Variants in GPR158 observed in about 807,000 individuals in gnomAD.
GPR158 encodes the protein metabotropic glycine receptor.
GPR158 carries 30 observed loss-of-function variants against 78.2 expected under a neutral mutation model. The ratio of observed to expected loss-of-function variants is 0.38; its 90% confidence interval spans 0.29 to 0.52. The LOEUF (loss-of-function observed/expected upper bound fraction) is 0.52. Ranked by LOEUF, GPR158 falls within the 20% of genes least tolerant of loss-of-function variation. The pLI is 0.83. For synonymous variants in GPR158, 581 were observed against 591.1 expected, an observed-to-expected ratio of 0.98 and a Z score of 0.25; for missense variants, 1,463 against 1,523.5, an observed-to-expected ratio of 0.96 and a Z score of 0.66.
intron 2 of GPR158, among the ~76,000 whole-genome samples, chr10:25,320,643 G>A (rs892642613): frequency 6.6e-6 from 1 of 152,188 alleles, no homozygotes; most frequent in Admixed American, 6.5e-5. Flanking sequence ...TAAAATGTGA[G>A]TCACAAAATT....
chr10:25,564,150 G>A (rs563501256), intron 6 of GPR158, among the ~76,000 whole-genome samples: 1 of 152,100 alleles, frequency 6.6e-6, no homozygotes, highest in South Asian at 2.1e-4. Context: ...ATAAAGCTTG[G>A]ACCAAAAAAT....
chr10:25,316,271 G>C (rs1000364346), intron 2 of GPR158, among the ~76,000 whole-genome samples: 1 of 152,142 alleles, frequency 6.6e-6, no homozygotes, highest in African/African-American at 2.4e-5. Context: ...GTAGATTAAA[G>C]CAGAGATTCT....
intron 2 of GPR158, among the ~76,000 whole-genome samples, chr10:25,273,005 A>G (rs1345386207): frequency 6.6e-6 from 1 of 152,230 alleles, no homozygotes; most frequent in Non-Finnish European, 1.5e-5. Flanking sequence ...CAAAGGCTGT[A>G]TCTTACCAAA....
rs1436453314 is a variant in GPR158, at chr10:25,461,769, G to A, written c.1336-4882G>A. Among the ~76,000 whole-genome samples the A allele has an allele frequency of 2.2e-5, 3 of 137,956 alleles. No individual in the cohort carries two copies. The East Asian group carries it at 6.3e-4, about 29-fold the overall frequency. 90.5% of individuals were successfully genotyped at this position (137,956 alleles called of 152,430 possible). ...TTTTTTTGAGATGGAGTCTTGCTCT[G>A]TTGCCCAGGCTGGAGTGCAGTGGTG... is the stretch of plus-strand genomic sequence containing the variant. On this transcript the variant is annotated intron_variant, in intron 4 of 10. Coordinates refer to ENST00000376351, the MANE Select transcript of GPR158 (RefSeq NM_020752.3).
At chr10:25,565,003 A>T (rs964359919) in intron 6 of GPR158, among the ~76,000 whole-genome samples, 2 of 152,170 alleles carry the variant, frequency 1.3e-5, no homozygotes, top group African/African-American at 2.4e-5. Context: ...TTCAGCACTG[A>T]ACCTCTGATT....
intron 7 of GPR158, among the ~76,000 whole-genome samples, chr10:25,578,877 C>T (rs1003979926): frequency 2.0e-5 from 3 of 151,918 alleles, no homozygotes; most frequent in Non-Finnish European, 4.4e-5. Context: ...GGCATGGTGG[C>T]GGGCGCCTGT....
intron 5 of GPR158, among the ~76,000 whole-genome samples, chr10:25,477,516 G>T (rs1476910259): frequency 1.3e-5 from 2 of 151,992 alleles, no homozygotes; most frequent in Non-Finnish European, 2.9e-5. Context: ...GTTCTTTTTA[G>T]GGCAGAATGG....
chr10:25,239,269 C>A (rs528161846), intron 2 of GPR158, among the ~76,000 whole-genome samples: 1 of 152,156 alleles, frequency 6.6e-6, no homozygotes, highest in Admixed American at 6.5e-5. Context: ...TGAGAGGACG[C>A]CCAGCCGCAA....
chr10:25,570,835 G>A (rs937803988), intron 6 of GPR158, among the ~76,000 whole-genome samples: 5 of 152,008 alleles, frequency 3.3e-5, no homozygotes, highest in African/African-American at 7.2e-5. Flanking sequence ...GAGAATAATC[G>A]CTTGAACCCA....
chr10:25,469,794 A>G (rs1387345824), intron 5 of GPR158, among the ~76,000 whole-genome samples: 1 of 150,506 alleles, frequency 6.6e-6, no homozygotes, highest in African/African-American at 2.4e-5. Flanking sequence ...AAAAAAAAAA[A>G]AAAAAAAAAA....
intron 1 of GPR158, among the ~76,000 whole-genome samples, chr10:25,209,244 C>T (rs749901698): frequency 1.3e-5 from 2 of 152,140 alleles, no homozygotes; most frequent in Non-Finnish European, 2.9e-5. Context: ...TTCTTTTTGA[C>T]TACTGTTAGA....
intron 5 of GPR158, among the ~76,000 whole-genome samples, chr10:25,505,006 A>G (rs1043937567): frequency 2.0e-5 from 3 of 152,200 alleles, no homozygotes; most frequent in Non-Finnish European, 2.9e-5. Flanking sequence ...TGTAATCTTT[A>G]TATTCCTCAC....
At chr10:25,550,484 C>T (rs1836712923) in intron 5 of GPR158, among the ~76,000 whole-genome samples, 1 of 152,066 alleles carries the variant, frequency 6.6e-6, no homozygotes, top group African/African-American at 2.4e-5. Context: ...GAACAATCGG[C>T]TCTGGGGGGA....
chr10:25,344,292 T>C (rs953569609), intron 2 of GPR158, among the ~76,000 whole-genome samples: 6 of 151,912 alleles, frequency 3.9e-5, no homozygotes, highest in African/African-American at 1.2e-4. Context: ...TTATAAAATA[T>C]ATATTTATGG....
intron 4 of GPR158, among the ~76,000 whole-genome samples, chr10:25,456,923 G>C (rs117809535): frequency 6.6e-6 from 1 of 151,796 alleles, no homozygotes. Context: ...GATTTTTCAT[G>C]GGGGGTCTTT....
intron 5 of GPR158, among the ~76,000 whole-genome samples, chr10:25,500,935 T>C (rs925987392): frequency 2.6e-5 from 4 of 152,254 alleles, no homozygotes; most frequent in Non-Finnish European, 5.9e-5. Flanking sequence ...TCTCCAGCTA[T>C]GTTTGGCATC....
rs576188911 is a variant in GPR158, at chr10:25,229,383, A to G, written c.1008+8226A>G. On this transcript the variant is annotated intron_variant, in intron 2 of 10. Transcript: ENST00000376351. ...TCACAGTAAAGACTGGATAAATTTT[A>G]CTTTTTCTGTTGTTTCCACTCAATA... Among the ~76,000 whole-genome samples the G allele has an allele frequency of 1.1e-4, 17 of 152,310 alleles. No individual in the cohort carries two copies. The East Asian group carries it at 3.1e-3, about 28-fold the overall frequency.
intron 4 of GPR158, among the ~76,000 whole-genome samples, chr10:25,453,316 G>A (rs1835246927): frequency 6.6e-6 from 1 of 152,070 alleles, no homozygotes; most frequent in Admixed American, 6.6e-5. Flanking sequence ...TTTCCATAAT[G>A]GCTATACTAA....
chr10:25,206,055 G>A (rs530894389), intron 1 of GPR158, among the ~76,000 whole-genome samples: 17 of 149,924 alleles, frequency 1.1e-4, no homozygotes, highest in South Asian at 2.1e-4. Context: ...GGCACATCTC[G>A]GCTCACTGCA....
Sources: gnomAD v4.1 joint callset for allele counts (sites outside exome capture counted in the v4.1 genomes callset) on GRCh38, gnomAD v4.1.1 for gene constraint, MANE v1.5 for transcripts, NCBI Gene and HGNC (gene_info 2026-07-23, HGNC 2026-07-21) for gene names.